LTBP1: variants seen among roughly 807,000 people sequenced by gnomAD.
LTBP1 encodes latent transforming growth factor beta binding protein 1, also known as latent-transforming growth factor beta-binding protein 1.
LTBP1 carries 129 observed loss-of-function variants against 207.6 expected under a neutral mutation model. The observed-to-expected ratio is 0.62, with a 90% CI of 0.54 to 0.72. The LOEUF is 0.72. LTBP1 is among the 30% of genes least tolerant of loss of function. The pLI, the probability that LTBP1 is intolerant of heterozygous loss-of-function variation, is 0.00. For missense variants in LTBP1, 2,281 were observed against 2,217.2 expected (o/e 1.03, Z -0.58); for synonymous variants, 963 against 833.7 (o/e 1.16, Z -2.67).
intron 14 of LTBP1, among the ~76,000 whole-genome samples, chr2:33,263,071 G>T (rs909827870): frequency 6.6e-6 from 1 of 151,556 alleles, no homozygotes; most frequent in African/African-American, 2.4e-5. Context: ...AGACATTATT[G>T]AAGGTTATCA....
chr2:32,977,848 C>A (rs940610327), intron 2 of LTBP1, among the ~76,000 whole-genome samples: 3 of 152,162 alleles, frequency 2.0e-5, no homozygotes, highest in African/African-American at 7.2e-5. Context: ...CATGGATGAT[C>A]AGCTTGTAGG....
In LTBP1 at chr2:33,232,965, T is replaced by C. The variant is rs566152296; in HGVS notation, c.1877-10697T>C. On this transcript the variant is annotated intron_variant, in intron 9 of 33. Coordinates refer to ENST00000404816, the MANE Select transcript of LTBP1 (RefSeq NM_206943.4). ...TTGACACCTCTTCCTTTGTAGATAA[T>C]GTGTTTCTCTCTTTTGAGATAATCT... Among the ~76,000 whole-genome samples the C allele has an allele frequency of 4.6e-5, 7 of 152,290 alleles. No individual in the cohort carries two copies. The South Asian group carries it at 1.4e-3, about 32-fold the overall frequency.
intron 2 of LTBP1, among the ~76,000 whole-genome samples, chr2:33,004,339 T>A (rs1686464132): frequency 1.3e-5 from 2 of 152,228 alleles, no homozygotes; most frequent in East Asian, 3.9e-4. Flanking sequence ...TTTGTATTTG[T>A]CCTCACAGAG....
intron 24 of LTBP1, among the ~76,000 whole-genome samples, chr2:33,323,700 G>A (rs1467869231): frequency 6.6e-6 from 1 of 152,136 alleles, no homozygotes; most frequent in African/African-American, 2.4e-5. Flanking sequence ...ATTAGTTGGG[G>A]CACAATACGC....
In LTBP1 at chr2:33,263,363, G is replaced by C. The variant is rs1374723105; in HGVS notation, c.2588G>C (p.Ser863Thr). The C allele has an allele frequency of 6.2e-7, 1 of 1,613,790 alleles. No homozygotes were observed. The highest frequency in any genetic ancestry group is 1.1e-5 in the South Asian group (1 of 91,062). ...VAPEASTSSA[S>T]QVIAPTQVTE... Reference sequence around the variant, plus strand: ...CCTGAAGCTTCTACGTCTAGTGCCAGCCAAGTGATTGCTCCTACTCAAGTG... The same window carrying C: ...CCTGAAGCTTCTACGTCTAGTGCCACCCAAGTGATTGCTCCTACTCAAGTG... Residue 863 changes from serine to threonine, a missense_variant, in exon 15 of 34, where the codon AGC becomes ACC. Ser to Thr is a moderately conservative substitution (Grantham distance 58). Around this residue, in one of 3 missense-constraint regions of LTBP1, gnomAD observed 1,671 missense variants for 1,634.8 expected, o/e 1.02. Coordinates refer to ENST00000404816, the MANE Select transcript of LTBP1 (RefSeq NM_206943.4).
intron 15 of LTBP1, among the ~76,000 whole-genome samples, chr2:33,267,241 C>T (rs962143553): frequency 1.3e-5 from 2 of 152,256 alleles, no homozygotes; most frequent in Non-Finnish European, 2.9e-5. Flanking sequence ...TCACACACCC[C>T]TCACTGCTCC....
intron 5 of LTBP1, among the ~76,000 whole-genome samples, chr2:33,176,318 C>G (rs755672036): frequency 5.1e-4 from 78 of 152,280 alleles, no homozygotes; most frequent in Admixed American, 9.8e-4. Context: ...GCTCCGCCTC[C>G]CGGTTCATGC....
chr2:33,337,351 T>G (rs561264690), intron 24 of LTBP1, among the ~76,000 whole-genome samples: 1 of 152,326 alleles, frequency 6.6e-6, no homozygotes, highest in South Asian at 2.1e-4. Context: ...CTATTAGTCA[T>G]TGACAACATT....
chr2:33,082,052 A>T (rs72793741), intron 3 of LTBP1, among the ~76,000 whole-genome samples: 1 of 152,136 alleles, frequency 6.6e-6, no homozygotes, highest in Non-Finnish European at 1.5e-5. Context: ...GACTAATACA[A>T]TTGCCACTGC....
chr2:33,125,394 A>C (rs574080160), intron 4 of LTBP1, among the ~76,000 whole-genome samples: 2 of 152,308 alleles, frequency 1.3e-5, no homozygotes, highest in South Asian at 4.2e-4. Context: ...CGAGTCTGCC[A>C]TTCATGTATA....
At chr2:33,033,040 C>G (rs2075758847) in intron 3 of LTBP1, among the ~76,000 whole-genome samples, 1 of 152,124 alleles carries the variant, frequency 6.6e-6, no homozygotes, top group African/African-American at 2.4e-5. Context: ...TGATCAAGCT[C>G]CATTAGGAAG....
At chr2:33,387,359 C>T (rs1238741913) in intron 31 of LTBP1, among the ~76,000 whole-genome samples, 23 of 152,232 alleles carry the variant, frequency 1.5e-4, no homozygotes, top group Admixed American at 1.5e-3. Flanking sequence ...GCCATTTGTG[C>T]TCTCTCTGTT....
chr2:33,345,748 A>AT (rs59313001), intron 25 of LTBP1, among the ~76,000 whole-genome samples: 51 of 148,772 alleles, frequency 3.4e-4, no homozygotes, highest in African/African-American at 4.9e-4. Flanking sequence ...TGAAAGGACG[A>AT]TTTTTTTTTT....
At chr2:33,158,934 C>T (rs2084226312) in intron 5 of LTBP1, among the ~76,000 whole-genome samples, 1 of 152,216 alleles carries the variant, frequency 6.6e-6, no homozygotes, top group Non-Finnish European at 1.5e-5. Flanking sequence ...TTGACACATT[C>T]TCAGTCCAGC....
Position 33,263,354 on chromosome 2 carries a change from C to G in LTBP1, c.2579C>G (p.Ser860Cys). The change falls in exon 15 of 34, where the codon TCT becomes TGT. Residue 860 changes from serine (S) to cysteine (C), a missense_variant. Transcript: ENST00000404816. The stretch of plus-strand genomic sequence containing the variant: ...GAAGTAGCTCCTGAAGCTTCTACGT[C>G]TAGTGCCAGCCAAGTGATTGCTCCT... ...PVEVAPEAST[S>C]SASQVIAPTQ... The G allele has an allele frequency of 6.2e-7, 1 of 1,613,942 alleles. No individual in the cohort carries two copies. The highest frequency in any genetic ancestry group is 1.3e-5 in the African/African-American group (1 of 75,042).
At chr2:32,948,148 T>G (rs543697784) in intron 1 of LTBP1, among the ~76,000 whole-genome samples, 1 of 152,232 alleles carries the variant, frequency 6.6e-6, no homozygotes, top group Non-Finnish European at 1.5e-5. Flanking sequence ...TCACTACAGT[T>G]TAATCCCTCA....
At chr2:33,078,862 C>CTTTTCTTTTTTTTTTTTTTTTTTTTTTTT (rs1367646259) in intron 3 of LTBP1, among the ~76,000 whole-genome samples, 5 of 106,890 alleles carry the variant, frequency 4.7e-5, no homozygotes, top group Non-Finnish European at 9.1e-5. Flanking sequence ...CTTTTCTTTT[C>CTTTTCTTTTTTTTTTTTTTTTTTTTTTTT]TTTTTTTTTT....
At position 33,174,976 on chromosome 2, in the gene LTBP1, C is replaced by T. The variant is rs1249996472; in HGVS notation, c.1202-11880C>T. ...CATATGTAGAAAGCTGAAACTGGAT[C>T]CCTTCCTTACACCTTATACAAAAAT... On this transcript the variant is annotated intron_variant, in intron 5 of 33. Coordinates refer to ENST00000404816, the MANE Select transcript of LTBP1 (RefSeq NM_206943.4). Among the ~76,000 whole-genome samples, 220 of 152,076 alleles carry T rather than the reference C, an allele frequency of 1.4e-3. 1 individual carries two copies. Among genetic ancestry groups the T allele is most frequent in the African/African-American group, 5.0e-3 (209 of 41,486 alleles).
At chr2:33,016,469 A>T (rs1196159950) in intron 2 of LTBP1, among the ~76,000 whole-genome samples, 1 of 152,186 alleles carries the variant, frequency 6.6e-6, no homozygotes, top group Non-Finnish European at 1.5e-5. Flanking sequence ...GGGGAGTTAA[A>T]AAAGTACTGA....
Sources: gnomAD v4.1 joint callset for allele counts (sites outside exome capture counted in the v4.1 genomes callset) on GRCh38, gnomAD v4.1.1 for gene constraint, gnomAD v4.1.1 regional missense constraint, MANE v1.5 for transcripts, NCBI Gene and HGNC (gene_info 2026-07-23, HGNC 2026-07-21) for gene names.